Variants in MYO1E observed in about 807,000 individuals in gnomAD.
MYO1E encodes unconventional myosin-Ie.
A neutral mutation model predicts 151.1 loss-of-function variants in MYO1E; 68 were observed. The ratio of observed to expected loss-of-function variants is 0.45; its 90% CI spans 0.37 to 0.55. The LOEUF (loss-of-function observed/expected upper bound fraction) is 0.55. Ranked by LOEUF, MYO1E falls within the 20% of genes least tolerant of loss-of-function variation. The pLI, the probability that MYO1E is intolerant of heterozygous loss-of-function variation, is 0.00. For synonymous variants in MYO1E, 601 were observed against 501.7 expected (o/e 1.20, Z -2.64); for missense variants, 1,363 against 1,389.3 (o/e 0.98, Z 0.30).
At position 59,234,924 on chromosome 15, in the gene MYO1E, T is replaced by A. The variant is rs187356378; in HGVS notation, c.420+1661A>T. Among the ~76,000 whole-genome samples, 41 of 152,270 alleles carry A rather than the reference T, an allele frequency of 2.7e-4. No individual in the cohort carries two copies. The East Asian group carries it at 6.7e-3, about 25-fold the overall frequency. On this transcript the variant is annotated intron_variant, in intron 5 of 27. Transcript: ENST00000288235. ...GCAATAACATTACATAATTCTGATT[T>A]AAAAAACTAATCTTTGGAAGGAATT...
chr15:59,301,246 C>T (rs756061119), intron 1 of MYO1E, among the ~76,000 whole-genome samples: 1 of 152,190 alleles, frequency 6.6e-6, no homozygotes, highest in Non-Finnish European at 1.5e-5. Flanking sequence ...AATGTCTCCA[C>T]TCTCTTTTGA....
At chr15:59,157,998 C>G (rs77864348) in intron 25 of MYO1E, among the ~76,000 whole-genome samples, 10 of 152,278 alleles carry the variant, frequency 6.6e-5, no homozygotes, top group African/African-American at 2.4e-4. Context: ...CTGGTTGTTA[C>G]GGACAAGGAA....
In MYO1E at chr15:59,202,275, G is replaced by A. The variant is rs776161182; in HGVS notation, c.1698+51C>T. On this transcript the variant is annotated intron_variant, in intron 16 of 27. Coordinates refer to ENST00000288235, the MANE Select transcript of MYO1E (RefSeq NM_004998.4). ...CCAGGGGTGCAGTTCCTTACTCCTAGAAAGCGCTAGCCCTTATAAGAATCT... is the reference window on the plus strand; with the variant it reads ...CCAGGGGTGCAGTTCCTTACTCCTAAAAAGCGCTAGCCCTTATAAGAATCT... 1.6e-5 allele frequency: 25 copies of A among 1,530,688 alleles called. 1 individual carries two copies. In the South Asian group the frequency reaches 2.5e-4, roughly 15 times the overall value. The allele number at this position is 1,530,688 out of a possible 1,614,324, so 94.8% of individuals were successfully genotyped here. A position where few individuals can be genotyped will look rare whatever the true frequency, so the allele number is the denominator to read the frequency against.
chr15:59,361,652 A>C (rs1052324641), intron 1 of MYO1E, among the ~76,000 whole-genome samples: 18 of 152,298 alleles, frequency 1.2e-4, no homozygotes, highest in Admixed American at 3.3e-4. Flanking sequence ...AGGATAACAA[A>C]GAAATATATA....
chr15:59,266,059 T>C (rs1248067017), intron 2 of MYO1E, among the ~76,000 whole-genome samples: 2 of 152,136 alleles, frequency 1.3e-5, no homozygotes, highest in Non-Finnish European at 2.9e-5. Context: ...AATAAACATA[T>C]CGTAGTTATT....
chr15:59,161,842 G>T (rs1445705780), intron 23 of MYO1E, among the ~76,000 whole-genome samples: 1 of 152,158 alleles, frequency 6.6e-6, no homozygotes, highest in African/African-American at 2.4e-5. Flanking sequence ...CCTGTATTAT[G>T]CAATCCTTAT....
chr15:59,191,722 A>G (rs917289728), intron 17 of MYO1E, among the ~76,000 whole-genome samples: 2 of 152,200 alleles, frequency 1.3e-5, no homozygotes, highest in Admixed American at 6.5e-5. Flanking sequence ...TGTAATGTTT[A>G]AAATTTGGGG....
chr15:59,230,223 T>TG (rs71992324), intron 6 of MYO1E, among the ~76,000 whole-genome samples: 64,460 of 106,716 alleles, frequency 0.6, 15,574 homozygotes, highest in Non-Finnish European at 0.68. Context: ...ACAGTGTGTG[T>TG]TTGTGTGTGT....
intron 18 of MYO1E, among the ~76,000 whole-genome samples, chr15:59,182,708 C>A (rs1258023990): frequency 6.6e-6 from 1 of 152,162 alleles, no homozygotes; most frequent in Admixed American, 6.5e-5. Context: ...AATGCCTACT[C>A]AGAGTGCGGC....
chr15:59,371,672 C>A (rs1438653769), intron 1 of MYO1E, among the ~76,000 whole-genome samples: 1 of 152,176 alleles, frequency 6.6e-6, no homozygotes, highest in African/African-American at 2.4e-5. Flanking sequence ...ACTCGAAACT[C>A]GCGAGGGCGT....
chr15:59,151,039 ACACACACACACG>A (rs1368640960), intron 26 of MYO1E, among the ~76,000 whole-genome samples: 3 of 118,898 alleles, frequency 2.5e-5, no homozygotes, highest in Admixed American at 7.6e-5. Context: ...ACACACACAC[ACACACACACACG>A]CGCGCGCGCG....
At chr15:59,144,389 A>G (rs2079428676) in intron 26 of MYO1E, among the ~76,000 whole-genome samples, 1 of 151,092 alleles carries the variant, frequency 6.6e-6, no homozygotes, top group Non-Finnish European at 1.5e-5. Flanking sequence ...CTGGTGTTGA[A>G]CTCCTGACCT....
At chr15:59,359,457 T>G (rs2080873690) in intron 1 of MYO1E, 1 of 151,494 alleles carries the variant, frequency 6.6e-6, no homozygotes, top group South Asian at 2.1e-4. Context: ...CCACTGCACT[T>G]CAGCCTGGAT....
intron 1 of MYO1E, among the ~76,000 whole-genome samples, chr15:59,355,521 C>A (rs2080848075): frequency 6.6e-6 from 1 of 152,156 alleles, no homozygotes; most frequent in African/African-American, 2.4e-5. Flanking sequence ...TGCAAATCTG[C>A]CAATTTTTCA....
rs2080954090 is a variant in MYO1E at position 59,372,543 on chromosome 15, C to A, written c.-43G>T. On this transcript the variant is annotated 5_prime_UTR_variant, in exon 1 of 28. Transcript: ENST00000288235. ...TCGCGTCTTCGCCGGGTCCCGCTGCCGGGGAACTGGGGCTGGAACGCAGTC... is the reference window on the plus strand; with the variant it reads ...TCGCGTCTTCGCCGGGTCCCGCTGCAGGGGAACTGGGGCTGGAACGCAGTC... The A allele has an allele frequency of 1.3e-6, 2 of 1,534,986 alleles. No individual in the cohort carries two copies. Among genetic ancestry groups the A allele is most frequent in the African/African-American group, 1.4e-5 (1 of 72,664 alleles).
At chr15:59,146,706 T>G in intron 26 of MYO1E, among the ~76,000 whole-genome samples, 1 of 148,674 alleles carries the variant, frequency 6.7e-6, no homozygotes, top group East Asian at 1.9e-4. Flanking sequence ...ATATATATAA[T>G]ATATATTACT....
At position 59,135,747 on chromosome 15, in the gene MYO1E, A is replaced by C. The variant is rs1466061157; in HGVS notation, c.*1633T>G. On this transcript the variant is annotated 3_prime_UTR_variant, in exon 28 of 28. Transcript: ENST00000288235. Reference sequence around the variant, plus strand: ...ATAATTTTTTCCCATGGACTTGAGGATCCTGAAAGCCTCAAAGGTGTATGC... The same window carrying C: ...ATAATTTTTTCCCATGGACTTGAGGCTCCTGAAAGCCTCAAAGGTGTATGC... The C allele has an allele frequency of 6.6e-6, 1 of 152,072 alleles. No individual in the cohort carries two copies. Among genetic ancestry groups the C allele is most frequent in the Non-Finnish European group, 1.5e-5 (1 of 68,018 alleles). The allele number at this position is 152,072 out of a possible 1,614,324, so 9.4% of individuals were successfully genotyped here. A position where few individuals can be genotyped will look rare whatever the true frequency, so the allele number is the denominator to read the frequency against.
intron 1 of MYO1E, among the ~76,000 whole-genome samples, chr15:59,328,134 C>G (rs181131987): frequency 2.0e-5 from 3 of 152,342 alleles, no homozygotes; most frequent in Admixed American, 2.0e-4. Context: ...GAGGTGTCAG[C>G]AGAGGGTGAG....
intron 4 of MYO1E, among the ~76,000 whole-genome samples, chr15:59,242,808 T>C (rs1261155905): frequency 6.6e-6 from 1 of 152,242 alleles, no homozygotes; most frequent in African/African-American, 2.4e-5. Flanking sequence ...GCATTGTTTC[T>C]ATGGTAGTCC....
Sources: allele counts gnomAD v4.1 joint callset (sites outside exome capture counted in the v4.1 genomes callset), GRCh38; gene constraint gnomAD v4.1.1; transcripts MANE v1.5; gene names NCBI Gene and HGNC (gene_info 2026-07-23, HGNC 2026-07-21).